Variants in MYO18B observed in about 807,000 individuals in gnomAD.
MYO18B encodes myosin XVIIIB, also known as unconventional myosin-XVIIIb.
Under a neutral mutation model 273.0 loss-of-function variants are expected in MYO18B, and 204 were observed. The ratio of observed to expected loss-of-function variants is 0.75; its 90% CI spans 0.67 to 0.84. The LOEUF (loss-of-function observed/expected upper bound fraction) is 0.84, where lower values mean the gene tolerates loss of function less well. Ranked by LOEUF, MYO18B falls within the 40% of genes least tolerant of loss-of-function variation. MYO18B has a pLI of 0.00. For missense variants in MYO18B, 3,212 were observed against 3,287.6 expected (o/e 0.98, Z 0.56); for synonymous variants, 1,330 against 1,305.7 (o/e 1.02, Z -0.40).
At chr22:25,950,291 A>G in intron 36 of MYO18B, 76 bp from the exon 37 acceptor site, 2 of 1,298,828 alleles carry the variant, frequency 1.5e-6, no homozygotes, top group Non-Finnish European at 2.1e-6. Flanking sequence ...GAAAGTAGGG[A>G]TTTTCAGGGG....
rs116928956 is a variant in MYO18B at position 25,779,883 on chromosome 22, A to T, written c.2069-173A>T. ...GCTCAGTGAAATGTATGTGGTTTATAGTTGGGTTGGGCAGGGAGTGGGTGG... is the reference window on the plus strand; with the variant it reads ...GCTCAGTGAAATGTATGTGGTTTATTGTTGGGTTGGGCAGGGAGTGGGTGG... On this transcript the variant is annotated intron_variant, in intron 8 of 43. Transcript: ENST00000335473. 6.6e-4 allele frequency among the ~76,000 whole-genome samples: 101 copies of T among 152,272 alleles called. 3 individuals are homozygous for T. The East Asian group carries it at 0.018, about 27-fold the overall frequency.
At position 25,846,126 on chromosome 22, in the gene MYO18B, C is replaced by T. The variant is rs1250932455; in HGVS notation, c.3395C>T (p.Ala1132Val). The T allele has an allele frequency of 6.3e-7, 1 of 1,591,442 alleles. No homozygotes were observed. Among genetic ancestry groups the T allele is most frequent in the Non-Finnish European group, 8.5e-7 (1 of 1,171,226 alleles). Reference protein sequence around the residue: ...KREELRSLFQARAKLPPVCRA... With the variant: ...KREELRSLFQVRAKLPPVCRA... ...GAGGAGCTGCGGAGTCTATTCCAGG[C>T]CCGGGCCAAGCTGCCTCCTGTGTGC... Residue 1132 changes from alanine (A) to valine (V), a missense_variant, in exon 19 of 44, where the codon GCC (alanine) becomes GTC (valine). Transcript: ENST00000335473.
Position 25,903,727 on chromosome 22 carries a change from T to A in MYO18B, c.5044T>A (p.Cys1682Ser). The A allele has an allele frequency of 6.2e-7, 1 of 1,607,570 alleles. No homozygotes were observed. Among genetic ancestry groups the A allele is most frequent in the South Asian group, 1.1e-5 (1 of 89,394 alleles). The change falls in exon 31 of 44, where the codon TGC (cysteine) becomes AGC (serine). Residue 1682 changes from cysteine (C) to serine (S), a missense_variant. Physicochemically the swap from Cys to Ser is moderately radical, Grantham distance 112 (BLOSUM62 -1). Coordinates refer to ENST00000335473, the MANE Select transcript of MYO18B (RefSeq NM_032608.7). ...GGGGTCACCCTCTCTGGGGGAAAAT[T>A]GCGTTGCTGGCTTGAAGGAGAGGCT... Reference protein sequence around the residue: ...LLGSPSLGENCVAGLKERLWK... With the variant: ...LLGSPSLGENSVAGLKERLWK...
intron 15 of MYO18B, among the ~76,000 whole-genome samples, chr22:25,829,223 C>G (rs573523693): frequency 3.9e-5 from 6 of 152,322 alleles, no homozygotes; most frequent in African/African-American, 9.6e-5. Context: ...GTCCTTGCTT[C>G]CACGGCTGTC....
chr22:25,870,284 A>C (rs1339767110), intron 22 of MYO18B, among the ~76,000 whole-genome samples: 1 of 152,220 alleles, frequency 6.6e-6, no homozygotes, highest in Non-Finnish European at 1.5e-5. Context: ...AACATCACAG[A>C]GTGTACTCAC....
At chr22:25,994,530 T>TC (rs1933024161) in intron 40 of MYO18B, among the ~76,000 whole-genome samples, 1 of 117,326 alleles carries the variant, frequency 8.5e-6, no homozygotes, top group Non-Finnish European at 1.8e-5. Flanking sequence ...AGACTTTGTC[T>TC]TAAAAAAAAT....
intron 42 of MYO18B, among the ~76,000 whole-genome samples, chr22:26,024,739 G>C (rs1936112615): frequency 6.6e-6 from 1 of 152,220 alleles, no homozygotes; most frequent in African/African-American, 2.4e-5. Flanking sequence ...GCCAGACCTG[G>C]AGGAGATAGG....
At chr22:25,835,222 G>T (rs561931049) in intron 16 of MYO18B, 74 bp from the exon 17 acceptor site, 1 of 1,512,610 alleles carries the variant, frequency 6.6e-7, no homozygotes, top group Non-Finnish European at 8.8e-7. Flanking sequence ...ATTCCCTATC[G>T]GTGGGAAGAG....
rs1054611436 is a variant in MYO18B, at chr22:25,883,501, G to C, written c.4314+5453G>C. Reference sequence around the variant, plus strand: ...GGCTGTATTTCTAACATGCTAGAGTGCTAAAGGTGCCTGTCCTGGGACCAC... The same window carrying C: ...GGCTGTATTTCTAACATGCTAGAGTCCTAAAGGTGCCTGTCCTGGGACCAC... On this transcript the variant is annotated intron_variant, in intron 25 of 43. Coordinates refer to ENST00000335473, the MANE Select transcript of MYO18B (RefSeq NM_032608.7). This position sits in a 1 kb window ranked among gnomAD's most constrained non-coding sequence, Gnocchi z 7.6. 1 of 152,212 alleles carries C rather than the reference G, an allele frequency of 6.6e-6. No homozygotes were observed. The highest frequency in any genetic ancestry group is 1.5e-5 in the Non-Finnish European group (1 of 68,042). 9.4% of individuals were successfully genotyped at this position (152,212 alleles called of 1,614,324 possible). A position where few individuals can be genotyped will look rare whatever the true frequency, so the allele number is the denominator to read the frequency against.
At chr22:25,747,846 C>T (rs1023603362) in intron 1 of MYO18B, among the ~76,000 whole-genome samples, 2 of 152,194 alleles carry the variant, frequency 1.3e-5, no homozygotes, top group African/African-American at 4.8e-5. Flanking sequence ...ACTCAAACCG[C>T]TCCGTGAAGT....
rs113003406 is a variant in MYO18B, at chr22:25,955,115, G to A, written c.5971-64G>A. On this transcript the variant is annotated intron_variant, in intron 38 of 43. Coordinates refer to ENST00000335473, the MANE Select transcript of MYO18B (RefSeq NM_032608.7). ...TCGGCAAAGGATTTATCTTCCTGAGGCTCCCTTGTTTCATACCCCTGGCCT... is the reference window on the plus strand; with the variant it reads ...TCGGCAAAGGATTTATCTTCCTGAGACTCCCTTGTTTCATACCCCTGGCCT... 3,254 of 1,438,744 alleles carry A rather than the reference G, an allele frequency of 2.3e-3. 68 individuals carry two copies. In the African/African-American group the frequency reaches 0.041, roughly 18 times the overall value. 89.1% of individuals were successfully genotyped at this position (1,438,744 alleles called of 1,614,324 possible).
At chr22:25,921,840 G>GTGTA (rs1555946983) in intron 34 of MYO18B, among the ~76,000 whole-genome samples, 176 of 151,068 alleles carry the variant, frequency 1.2e-3, no homozygotes, top group African/African-American at 4.2e-3. Context: ...GTGTGTGTGT[G>GTGTA]TGTGTGTGTG....
At chr22:25,933,968 C>G (rs1453982487) in intron 34 of MYO18B, among the ~76,000 whole-genome samples, 1 of 152,182 alleles carries the variant, frequency 6.6e-6, no homozygotes, top group African/African-American at 2.4e-5. Flanking sequence ...ACATGAAAGT[C>G]CTACTGGCTT....
chr22:25,750,990 T>G (rs2146537569), intron 1 of MYO18B, among the ~76,000 whole-genome samples: 1 of 152,274 alleles, frequency 6.6e-6, no homozygotes, highest in South Asian at 2.1e-4. Flanking sequence ...AGTCAGACCA[T>G]CTGGTCCACG....
At chr22:26,047,520 G>A in the MYO18B span, among the ~76,000 whole-genome samples, 1 of 152,156 alleles carries the variant, frequency 6.6e-6, no homozygotes, top group African/African-American at 2.4e-5. Context: ...TCTGGAGGAG[G>A]TGTCGCCAAT....
At chr22:26,061,319 A>C in the MYO18B span, among the ~76,000 whole-genome samples, 1 of 152,074 alleles carries the variant, frequency 6.6e-6, no homozygotes, top group African/African-American at 2.4e-5. Flanking sequence ...TGTTGGTTGG[A>C]TCCTGACAGG....
chr22:25,906,490 A>C (rs1448021074), intron 31 of MYO18B, among the ~76,000 whole-genome samples: 1 of 152,226 alleles, frequency 6.6e-6, no homozygotes, highest in Non-Finnish European at 1.5e-5. Flanking sequence ...TCAACATTTT[A>C]AAAGACCCAG....
chr22:25,974,143 C>T (rs1224289179), intron 39 of MYO18B, among the ~76,000 whole-genome samples: 1 of 152,176 alleles, frequency 6.6e-6, no homozygotes. Flanking sequence ...CATACCTTTT[C>T]TTCCTCTAAT....
chr22:25,790,420 G>A lies in MYO18B; in HGVS notation c.2376+4929G>A, dbSNP rs117988464. Among the ~76,000 whole-genome samples the A allele has an allele frequency of 8.5e-4, 130 of 152,300 alleles. 2 individuals are homozygous for A. In the East Asian group the frequency reaches 0.019, roughly 22 times the overall value. ...TACCATCTCCGACTCCCAAACCTCC[G>A]TCTAAGGAGATGTCTCCAGTTATCG... On this transcript the variant is annotated intron_variant, in intron 11 of 43. Transcript: ENST00000335473.
Sources: gnomAD v4.1 joint callset for allele counts (sites outside exome capture counted in the v4.1 genomes callset) on GRCh38, gnomAD v4.1.1 for gene constraint, Gnocchi (gnomAD v3.1) non-coding constraint, MANE v1.5 for transcripts, NCBI Gene and HGNC (gene_info 2026-07-23, HGNC 2026-07-21) for gene names.